The following MSH4 variants were observed in gnomAD, a reference collection of about 807,000 sequenced individuals.
The protein encoded by MSH4 is mutS homolog 4, also known as mutS protein homolog 4.
Under a neutral mutation model 113.7 loss-of-function variants are expected in MSH4, and 106 were observed. The ratio of observed to expected loss-of-function variants is 0.93; its 90% CI spans 0.80 to 1.10. The LOEUF is 1.10. MSH4 is among the 50% of genes least tolerant of loss of function. The pLI, the probability that MSH4 is intolerant of heterozygous loss-of-function variation, is 0.00. For missense variants in MSH4, 1,061 were observed against 1,093.7 expected, an observed-to-expected ratio of 0.97 and a Z score of 0.42; for synonymous variants, 368 against 380.2, an observed-to-expected ratio of 0.97 and a Z score of 0.37.
At chr1:75,816,844 C>T (rs1650305167) in intron 6 of MSH4, among the ~76,000 whole-genome samples, 1 of 152,094 alleles carries the variant, frequency 6.6e-6, no homozygotes, top group South Asian at 2.1e-4. Context: ...CCAGGCTGGT[C>T]TCAAATTCTG....
chr1:75,821,611 A>G (rs1230196170), intron 6 of MSH4, among the ~76,000 whole-genome samples: 1 of 152,134 alleles, frequency 6.6e-6, no homozygotes, highest in Admixed American at 6.6e-5. Flanking sequence ...ATCAAAATAT[A>G]TCTAAAAACT....
chr1:75,906,238 T>C (rs1011103836), intron 19 of MSH4, among the ~76,000 whole-genome samples: 1 of 150,740 alleles, frequency 6.6e-6, no homozygotes, highest in African/African-American at 2.4e-5. Flanking sequence ...AGTCTTGTTT[T>C]TTTAATCCAT....
In MSH4 at chr1:75,881,004, AATGTT is replaced by A. The variant is rs5745463; in HGVS notation, c.1782-235_1782-231del. On this transcript the variant is annotated intron_variant, in intron 13 of 19. Transcript: ENST00000263187. ...ATCATATAAAAGCAGTTATTTCAAA[AATGTT>A]ATGTTAATACACAAGAAGATAGATT... Among the ~76,000 whole-genome samples the A allele has an allele frequency of 1.7e-4, 26 of 152,070 alleles. No homozygotes were observed. In the South Asian group the frequency reaches 5.2e-3, roughly 30 times the overall value.
chr1:75,856,321 G>A (rs1459708036), intron 8 of MSH4, among the ~76,000 whole-genome samples: 1 of 151,818 alleles, frequency 6.6e-6, no homozygotes, highest in Non-Finnish European at 1.5e-5. Flanking sequence ...TAGGTTCTGG[G>A]TTACATGTGC....
At chr1:75,834,529 C>T (rs1326558186) in intron 7 of MSH4, among the ~76,000 whole-genome samples, 1 of 152,158 alleles carries the variant, frequency 6.6e-6, no homozygotes, top group Non-Finnish European at 1.5e-5. Context: ...TGGAACTAAC[C>T]CAGGTGTCCA....
chr1:75,904,939 A>T (rs919641758), intron 19 of MSH4, among the ~76,000 whole-genome samples: 2 of 151,874 alleles, frequency 1.3e-5, no homozygotes, highest in East Asian at 3.9e-4. Flanking sequence ...ATCAATTGTT[A>T]TGTCTCCTTT....
At position 75,809,903 on chromosome 1, in the gene MSH4, G is replaced by A. The variant is rs560436042; in HGVS notation, c.589-794G>A. Among the ~76,000 whole-genome samples the A allele has an allele frequency of 1.4e-4, 21 of 152,020 alleles. No homozygotes were observed. In the South Asian group the frequency reaches 4.4e-3, roughly 32 times the overall value. ...TGACCTCAAGTGATGCAGTCGCCTTGGCCTCCCAAAGTGCTGAGATTACAG... is the reference window on the plus strand; with the variant it reads ...TGACCTCAAGTGATGCAGTCGCCTTAGCCTCCCAAAGTGCTGAGATTACAG... On this transcript the variant is annotated intron_variant, in intron 3 of 19. Coordinates refer to ENST00000263187, the MANE Select transcript of MSH4 (RefSeq NM_002440.4).
chr1:75,817,854 G>A (rs1041361613), intron 6 of MSH4, among the ~76,000 whole-genome samples: 1 of 150,732 alleles, frequency 6.6e-6, no homozygotes, highest in Non-Finnish European at 1.5e-5. Context: ...CAGTTGATAT[G>A]AGTAGTTCCC....
chr1:75,850,171 A>T (rs1352705048), intron 8 of MSH4, among the ~76,000 whole-genome samples: 1 of 151,652 alleles, frequency 6.6e-6, no homozygotes, highest in African/African-American at 2.4e-5. Flanking sequence ...TATTTCACTG[A>T]TTTCTGGTTT....
At chr1:75,850,723 T>C (rs2100547794) in intron 8 of MSH4, among the ~76,000 whole-genome samples, 1 of 152,206 alleles carries the variant, frequency 6.6e-6, no homozygotes, top group Non-Finnish European at 1.5e-5. Flanking sequence ...TTACGTTTTT[T>C]TGTTTTGTTT....
rs147756915 is a variant in MSH4 at position 75,900,278 on chromosome 1, T to C, written c.2619+572T>C. 3.3e-3 allele frequency among the ~76,000 whole-genome samples: 500 copies of C among 151,966 alleles called. 14 individuals carry two copies. Among genetic ancestry groups the C allele is most frequent in the Admixed American group, 0.03 (462 of 15,258 alleles). ...GAAAATTTTGGTTGCTTTATATAAG[T>C]GTTTTTGGTTTTGGGGTTTTGTTTG... On this transcript the variant is annotated intron_variant, in intron 19 of 19. Coordinates refer to ENST00000263187, the MANE Select transcript of MSH4 (RefSeq NM_002440.4).
chr1:75,846,459 A>G (rs1651080646), intron 7 of MSH4, among the ~76,000 whole-genome samples: 1 of 152,206 alleles, frequency 6.6e-6, no homozygotes, highest in African/African-American at 2.4e-5. Context: ...CTGCCTAGGT[A>G]GCTCTTCTGC....
At chr1:75,907,711 T>C (rs1652697980) in intron 19 of MSH4, among the ~76,000 whole-genome samples, 2 of 132,378 alleles carry the variant, frequency 1.5e-5, no homozygotes, top group Non-Finnish European at 3.2e-5. Context: ...TATATATATA[T>C]ATATATATGT....
intron 8 of MSH4, among the ~76,000 whole-genome samples, chr1:75,855,444 G>A (rs1651295849): frequency 1.3e-5 from 2 of 152,160 alleles, no homozygotes; most frequent in African/African-American, 4.8e-5. Context: ...CTGAAATCAA[G>A]GTGTTTTAGG....
At chr1:75,865,932 A>C (rs935839377) in intron 8 of MSH4, among the ~76,000 whole-genome samples, 1 of 152,070 alleles carries the variant, frequency 6.6e-6, no homozygotes, top group African/African-American at 2.4e-5. Flanking sequence ...TACTGGTACT[A>C]TTTACGGAAA....
intron 8 of MSH4, among the ~76,000 whole-genome samples, chr1:75,855,852 C>T (rs145151445): frequency 9.7e-4 from 148 of 152,230 alleles, no homozygotes; most frequent in African/African-American, 3.4e-3. Flanking sequence ...ACAATTCAAC[C>T]TTTAACAGTG....
chr1:75,865,715 G>C (rs1651548360), intron 8 of MSH4, among the ~76,000 whole-genome samples: 1 of 152,198 alleles, frequency 6.6e-6, no homozygotes, highest in African/African-American at 2.4e-5. Context: ...TTCACCGTGT[G>C]ATTAATGGAT....
At chr1:75,895,214 T>C (rs1028849093) in intron 17 of MSH4, among the ~76,000 whole-genome samples, 1 of 152,114 alleles carries the variant, frequency 6.6e-6, no homozygotes, top group African/African-American at 2.4e-5. Flanking sequence ...CTGAAGTGAT[T>C]GATCCTGATT....
At chr1:75,907,408 T>G (rs1173175523) in intron 19 of MSH4, among the ~76,000 whole-genome samples, 1 of 151,950 alleles carries the variant, frequency 6.6e-6, no homozygotes, top group East Asian at 1.9e-4. Flanking sequence ...GTTATTTGCT[T>G]CTTTTCTCTT....
Sources: allele counts gnomAD v4.1 joint callset (sites outside exome capture counted in the v4.1 genomes callset), GRCh38; gene constraint gnomAD v4.1.1; transcripts MANE v1.5; gene names NCBI Gene and HGNC (gene_info 2026-07-23, HGNC 2026-07-21).